Variants in SEC31B observed in about 807,000 individuals in gnomAD.
SEC31B encodes protein transport protein Sec31B.
In SEC31B, 113 loss-of-function variants were observed where a neutral mutation model predicts 135.0. The ratio of observed to expected loss-of-function variants is 0.84; its 90% confidence interval spans 0.72 to 0.98. SEC31B has a LOEUF of 0.98. SEC31B is among the 50% of genes least tolerant of loss of function. SEC31B has a pLI of 0.00. For missense variants in SEC31B, 1,296 were observed against 1,421.1 expected, an observed-to-expected ratio of 0.91 and a Z score of 1.42; for synonymous variants, 508 against 549.4, an observed-to-expected ratio of 0.92 and a Z score of 1.05.
At chr10:100,506,450 TTTG>T in intron 7 of SEC31B, 30 bp from the exon 8 acceptor site, 1 of 1,603,330 alleles carries the variant, frequency 6.2e-7, no homozygotes, top group Non-Finnish European at 8.5e-7. Flanking sequence ...GGAACTAGCA[TTTG>T]TTGAATGCCT....
chr10:100,487,770 A>C lies in SEC31B; in HGVS notation c.3386T>G (p.Leu1129Arg). ...ATCCACACATCGGGCAACCTCATGG[A>C]GCCCAGCCACGACATGAGGTGAGAG... ...GTLSPHVVAG[L>R]HEVARCVDAG... The change falls in exon 26 of 26, where the codon CTC (leucine) becomes CGC (arginine). Residue 1129 changes from leucine to arginine, a missense_variant. Transcript: ENST00000370345. 1 of 1,614,044 alleles carries C rather than the reference A, an allele frequency of 6.2e-7. No homozygotes were observed. Among genetic ancestry groups the C allele is most frequent in the Non-Finnish European group, 8.5e-7 (1 of 1,179,988 alleles).
intron 25 of SEC31B, 73 bp from the exon 26 acceptor site, chr10:100,487,868 G>A: frequency 6.3e-7 from 1 of 1,579,724 alleles, no homozygotes; most frequent in Non-Finnish European, 8.7e-7. Context: ...AGGGATAAGG[G>A]AAGACTTAAG....
intron 3 of SEC31B, among the ~76,000 whole-genome samples, chr10:100,513,881 A>G (rs1367177042): frequency 4.6e-5 from 7 of 152,062 alleles, no homozygotes; most frequent in Non-Finnish European, 2.9e-5. Flanking sequence ...AGATACAGCA[A>G]TGAGTAAAAC....
Position 100,488,877 on chromosome 10 carries a change from G to A in SEC31B, c.3269C>T (p.Ser1090Phe). 1 of 1,602,120 alleles carries A rather than the reference G, an allele frequency of 6.2e-7. No homozygotes were observed. Among genetic ancestry groups the A allele is most frequent in the Non-Finnish European group, 8.5e-7 (1 of 1,174,976 alleles). The stretch of plus-strand genomic sequence containing the variant: ...ACTTACTAAGTCAGTTGCAGACAGG[G>A]AGCAGCGTTGGAGAAGCGCCTCAAA... ...SSFEALLQRC[S>F]LSATDLKTKR... Residue 1090 changes from serine to phenylalanine, a missense_variant, in exon 24 of 26, where the codon TCC becomes TTC. Physicochemically the swap from Ser to Phe is radical, Grantham distance 155. Coordinates refer to ENST00000370345, the MANE Select transcript of SEC31B (RefSeq NM_015490.4).
chr10:100,499,307 T>C (rs763844374), intron 12 of SEC31B, 49 bp from the exon 13 acceptor site: 2 of 1,414,504 alleles, frequency 1.4e-6, no homozygotes. Context: ...TAAGATCAAA[T>C]AAGCATTATC....
At position 100,498,158 on chromosome 10, in the gene SEC31B, C is replaced by T. The variant is rs373975475; in HGVS notation, c.1734G>A (p.Pro578=). The T allele has an allele frequency of 4.0e-5, 65 of 1,614,212 alleles. 1 individual carries two copies. The South Asian group carries it at 5.4e-4, about 13-fold the overall frequency. ...SQALLLGELG[P]AVELCLKEER... ...CCTCCTTCAGACACAGCTCCACGGC[C>T]GGACCCAGTTCCCCAAGCAGGAGAG... The change falls in exon 15 of 26, where the codon CCG becomes CCA. Residue 578 remains proline (P), a synonymous_variant. Coordinates refer to ENST00000370345, the MANE Select transcript of SEC31B (RefSeq NM_015490.4).
chr10:100,497,242 C>T lies in SEC31B; in HGVS notation c.2029G>A (p.Ala677Thr). 6.2e-7 allele frequency: 1 copy of T among 1,614,234 alleles called. No individual in the cohort carries two copies. The highest frequency in any genetic ancestry group is 8.5e-7 in the Non-Finnish European group (1 of 1,180,036). The change falls in exon 17 of 26, where the codon GCA (alanine) becomes ACA (threonine). Residue 677 changes from alanine to threonine, a missense_variant. Physicochemically the swap from Ala to Thr is moderately conservative, Grantham distance 58. Transcript: ENST00000370345. ...CAGAGTCTGGCTTCGGAGGTTAGTGCCCTGCTGCCCTCCTGTTCCATGCGA... is the reference window on the plus strand; with the variant it reads ...CAGAGTCTGGCTTCGGAGGTTAGTGTCCTGCTGCCCTCCTGTTCCATGCGA... The part of the protein sequence containing the change: ...GTRMEQEGSR[A>T]LTSEARLCYV...
Position 100,509,521 on chromosome 10 carries a change from G to A in SEC31B, c.204-10C>T. On this transcript the variant is annotated splice_polypyrimidine_tract_variant and intron_variant, in intron 3 of 25. Transcript: ENST00000370345. ...GACCAGCTTGTGAAACCTATAAAGA[G>A]GAGGAACTGGCATCAGTACAAACTT... The A allele has an allele frequency of 6.3e-7, 1 of 1,598,820 alleles. No homozygotes were observed. The highest frequency in any genetic ancestry group is 8.5e-7 in the Non-Finnish European group (1 of 1,170,828).
chr10:100,516,911 C>T lies in SEC31B; in HGVS notation c.42G>A (p.Trp14Ter), dbSNP rs1471991398. The T allele has an allele frequency of 1.9e-6, 3 of 1,614,020 alleles. No individual in the cohort carries two copies. The African/African-American group carries it at 4.0e-5, about 22-fold the overall frequency. The change falls in exon 2 of 26, where the codon TGG becomes TGA. Residue 14 changes from tryptophan (W) to a stop codon, truncating the protein, a stop_gained. Coordinates refer to ENST00000370345, the MANE Select transcript of SEC31B (RefSeq NM_015490.4). LOFTEE classifies it high-confidence loss of function. ...KELERPAVQA[W>*]SPASQYPLYL... is the part of the protein sequence containing the mutation. ...ACAAAGGGTATTGGCTGGCTGGGCT[C>T]CATGCCTGGACAGCTGGCCGCTCAA...
rs1214454329 is a variant in SEC31B at position 100,497,683 on chromosome 10, T to C, written c.1974A>G (p.Lys658=). 4.3e-6 allele frequency: 7 copies of C among 1,614,046 alleles called. No individual in the cohort carries two copies. Among genetic ancestry groups the C allele is most frequent in the Non-Finnish European group, 5.9e-6 (7 of 1,180,050 alleles). Residue 658 remains lysine (K), a synonymous_variant, in exon 16 of 26, where the codon AAA becomes AAG. Transcript: ENST00000370345. The part of the protein sequence containing the change: ...ALLLTYSGTE[K]FPELCDMLGT... The stretch of plus-strand genomic sequence containing the variant: ...CACACTTACCACAGAGCTCGGGAAA[T>C]TTCTCTGTGCCTGAGTATGTCAGTA...
intron 24 of SEC31B, among the ~76,000 whole-genome samples, chr10:100,488,500 A>C (rs1031689182): frequency 6.6e-6 from 1 of 151,940 alleles, no homozygotes; most frequent in African/African-American, 2.4e-5. Context: ...TTAGAGCTAG[A>C]ATGGCTTCAT....
chr10:100,494,224 C>A (rs1013412673), intron 19 of SEC31B, among the ~76,000 whole-genome samples: 1 of 152,100 alleles, frequency 6.6e-6, no homozygotes, highest in African/African-American at 2.4e-5. Flanking sequence ...TCCCTCAGTA[C>A]CCCCAACCAC....
intron 19 of SEC31B, 118 bp from the exon 20 acceptor site, chr10:100,491,001 C>A: frequency 1.6e-6 from 1 of 624,254 alleles, no homozygotes; most frequent in Non-Finnish European, 2.4e-6. Flanking sequence ...GGAAAAAAAT[C>A]AATAAAATTG....
intron 19 of SEC31B, chr10:100,495,028 AT>A: frequency 3.3e-6 from 1 of 302,512 alleles, no homozygotes; most frequent in Non-Finnish European, 6.4e-6. Flanking sequence ...GGGTTTCACC[AT>A]GTTGGCTAGG....
intron 1 of SEC31B, among the ~76,000 whole-genome samples, chr10:100,519,512 G>A (rs1851911821): frequency 6.6e-6 from 1 of 152,276 alleles, no homozygotes; most frequent in Non-Finnish European, 1.5e-5. Context: ...TCAGGACCAA[G>A]GCGGATGGGA....
intron 16 of SEC31B, 127 bp downstream of exon 16, chr10:100,497,540 T>G (rs367917725): frequency 1.3e-6 from 2 of 1,559,020 alleles, no homozygotes; most frequent in East Asian, 2.3e-5. Context: ...TGAGCCAGAT[T>G]CTAGCCCTGA....
chr10:100,488,108 A>C lies in SEC31B; in HGVS notation c.3289-10T>G. 6.2e-7 allele frequency: 1 copy of C among 1,613,620 alleles called. No homozygotes were observed. The highest frequency in any genetic ancestry group is 1.1e-5 in the South Asian group (1 of 91,072). ...GCTTCCTTTTTGTCTTCTGCAGGGA[A>C]AGAAATGGATTCCAACCCCAGCCCC... On this transcript the variant is annotated splice_polypyrimidine_tract_variant and intron_variant, in intron 24 of 25. Coordinates refer to ENST00000370345, the MANE Select transcript of SEC31B (RefSeq NM_015490.4).
intron 13 of SEC31B, 44 bp downstream of exon 13, chr10:100,499,116 T>C (rs1231040101): frequency 6.5e-7 from 1 of 1,527,368 alleles, no homozygotes; most frequent in Admixed American, 1.7e-5. Context: ...AAAGGCAGGT[T>C]TCCTGTGTTA....
rs139208425 is a variant in SEC31B, at chr10:100,488,884, G to A, written c.3262C>T (p.Arg1088Cys). The A allele has an allele frequency of 1.6e-3, 2,649 of 1,606,770 alleles. 4 individuals are homozygous for A. Among genetic ancestry groups the A allele is most frequent in the South Asian group, 2.2e-3 (194 of 89,860 alleles). ...LKSSFEALLQ[R>C]CSLSATDLKT... Reference sequence around the variant, plus strand: ...AAGTCAGTTGCAGACAGGGAGCAGCGTTGGAGAAGCGCCTCAAAGCTGCTC... The same window carrying A: ...AAGTCAGTTGCAGACAGGGAGCAGCATTGGAGAAGCGCCTCAAAGCTGCTC... Residue 1088 changes from arginine to cysteine, a missense_variant, in exon 24 of 26, where the codon CGC becomes TGC. Physicochemically the swap from Arg to Cys is radical, Grantham distance 180. Transcript: ENST00000370345.
Sources: gnomAD v4.1 joint callset for allele counts (sites outside exome capture counted in the v4.1 genomes callset) on GRCh38, gnomAD v4.1.1 for gene constraint, MANE v1.5 for transcripts, NCBI Gene and HGNC (gene_info 2026-07-23, HGNC 2026-07-21) for gene names.